The following SHISA6 variants were observed in gnomAD, a reference collection of about 807,000 sequenced individuals.
The protein encoded by SHISA6 is shisa family member 6.
SHISA6 carries 22 observed loss-of-function variants against 47.9 expected under a neutral mutation model. The ratio of observed to expected loss-of-function variants is 0.46; its 90% confidence interval spans 0.33 to 0.66. The LOEUF is 0.66. Among genes scored for constraint, SHISA6 ranks in the 30% least tolerant of loss-of-function variants. The pLI, the probability that SHISA6 is intolerant of heterozygous loss-of-function variation, is 0.02. For missense variants in SHISA6, 680 were observed against 764.6 expected (o/e 0.89, Z 1.30); for synonymous variants, 388 against 337.8 (o/e 1.15, Z -1.63).
chr17:11,337,899 G>A (rs762699015), intron 2 of SHISA6, among the ~76,000 whole-genome samples: 7 of 152,146 alleles, frequency 4.6e-5, no homozygotes, highest in Non-Finnish European at 7.4e-5. Context: ...ATTTGGCAAC[G>A]CTACTACAGA....
At position 11,241,496 on chromosome 17, in the gene SHISA6, G is replaced by T; in HGVS notation, c.74G>T (p.Gly25Val). 8.6e-7 allele frequency: 1 copy of T among 1,167,564 alleles called. No homozygotes were observed. Among genetic ancestry groups the T allele is most frequent in the South Asian group, 2.1e-5 (1 of 46,708 alleles). The allele number at this position is 1,167,564 out of a possible 1,614,324, so 72.3% of individuals were successfully genotyped here. ...CTGGACCTGCTGCCCAGCGTCCACG[G>T]AGCCCGCGGCCGCGCCGCCAACCGG... ...ESLDLLPSVH[G>V]ARGRAANRTL... is the part of the protein sequence containing the mutation. Residue 25 changes from glycine (G) to valine (V), a missense_variant, in exon 1 of 6, where the codon GGA (glycine) becomes GTA (valine). This residue lies in a region of SHISA6 where 121 missense variants were observed against 90.5 expected (regional missense o/e 1.34). Coordinates refer to ENST00000441885, the MANE Select transcript of SHISA6 (RefSeq NM_207386.4). This position sits in a 1 kb window ranked among gnomAD's most constrained non-coding sequence, Gnocchi z 5.5.
At chr17:11,439,099 C>CTGTACCTCAGTCAT (rs1915027313) in intron 3 of SHISA6, among the ~76,000 whole-genome samples, 2 of 152,172 alleles carry the variant, frequency 1.3e-5, no homozygotes, top group Admixed American at 6.5e-5. Context: ...TCTCCTACTC[C>CTGTACCTCAGTCAT]TGTACCTCAG....
In SHISA6 at chr17:11,551,930, T is replaced by C; in HGVS notation, c.930T>C (p.Ser310=). 1 of 1,551,700 alleles carries C rather than the reference T, an allele frequency of 6.4e-7. No individual in the cohort carries two copies. The highest frequency in any genetic ancestry group is 8.7e-7 in the Non-Finnish European group (1 of 1,146,994). Reference sequence around the variant, plus strand: ...AATATAACCATCCGATTTTGAGCAGTGTTACCCAGATCCCGCCACATGGTG... The same window carrying C: ...AATATAACCATCCGATTTTGAGCAGCGTTACCCAGATCCCGCCACATGGTG... The part of the protein sequence containing the change: ...DHQYNHPILS[S]VTQIPPHEKP... The change falls in exon 4 of 6, where the codon AGT becomes AGC. Residue 310 remains serine, a synonymous_variant. Transcript: ENST00000441885.
At chr17:11,304,104 G>T (rs1910022502) in intron 2 of SHISA6, among the ~76,000 whole-genome samples, 1 of 152,318 alleles carries the variant, frequency 6.6e-6, no homozygotes, top group African/African-American at 2.4e-5. Context: ...GCTTTGGGTA[G>T]TTTGCACCTT....
chr17:11,424,926 G>A (rs2142284724), intron 3 of SHISA6, among the ~76,000 whole-genome samples: 1 of 140,912 alleles, frequency 7.1e-6, no homozygotes, highest in Admixed American at 7.8e-5. Flanking sequence ...AGAATGGCAT[G>A]AACCCAGGAG....
At chr17:11,485,687 T>A (rs900893216) in intron 3 of SHISA6, among the ~76,000 whole-genome samples, 1 of 151,530 alleles carries the variant, frequency 6.6e-6, no homozygotes, top group African/African-American at 2.4e-5. Flanking sequence ...GCCCCATTCC[T>A]AAGGGAAGAC....
At chr17:11,443,519 T>A (rs1420631081) in intron 3 of SHISA6, among the ~76,000 whole-genome samples, 13 of 152,152 alleles carry the variant, frequency 8.5e-5, no homozygotes, top group Non-Finnish European at 1.9e-4. Flanking sequence ...ATTCACAGGG[T>A]TGGAGACATT....
In SHISA6 at chr17:11,496,325, A is replaced by G. The variant is rs539812453; in HGVS notation, c.896-55571A>G. Among the ~76,000 whole-genome samples, 61 of 152,356 alleles carry G rather than the reference A, an allele frequency of 4.0e-4. No homozygotes were observed. The South Asian group carries it at 0.012, about 31-fold the overall frequency. On this transcript the variant is annotated intron_variant, in intron 3 of 5. Transcript: ENST00000441885. ...GGTGAGACTTCAAAGCAAACTCTCC[A>G]AGTGCTGCCATCTTGATTAAAATTT...
intron 3 of SHISA6, among the ~76,000 whole-genome samples, chr17:11,493,310 A>G (rs934744236): frequency 6.6e-6 from 1 of 151,972 alleles, no homozygotes. Flanking sequence ...TCACTGCAGT[A>G]TCCACCACGG....
intron 1 of SHISA6, among the ~76,000 whole-genome samples, chr17:11,249,375 C>G (rs985217756): frequency 6.6e-6 from 1 of 151,986 alleles, no homozygotes; most frequent in Non-Finnish European, 1.5e-5. Flanking sequence ...GGGTTGGCCC[C>G]CTGCATAGAA....
intron 2 of SHISA6, among the ~76,000 whole-genome samples, chr17:11,363,739 A>C (rs1912360913): frequency 1.3e-5 from 2 of 152,180 alleles, no homozygotes; most frequent in Non-Finnish European, 2.9e-5. Context: ...TCTTCTCCAT[A>C]AGACACGCCC....
intron 2 of SHISA6, among the ~76,000 whole-genome samples, chr17:11,275,300 G>A (rs1301171921): frequency 6.6e-6 from 1 of 152,102 alleles, no homozygotes; most frequent in Non-Finnish European, 1.5e-5. Flanking sequence ...CTCCAAAGGG[G>A]CTTGGAGAGG....
chr17:11,523,741 C>G (rs768281170), intron 3 of SHISA6, among the ~76,000 whole-genome samples: 1 of 152,188 alleles, frequency 6.6e-6, no homozygotes, highest in African/African-American at 2.4e-5. Context: ...CGCAGTGACT[C>G]ATGCCTGTAA....
Position 11,319,838 on chromosome 17 carries a change from C to T in SHISA6, c.799+56312C>T, listed in dbSNP as rs181005689. The stretch of plus-strand genomic sequence containing the variant: ...GTTTCTGTTCTTTTCCTTATCAGTT[C>T]GGTTAAGTAAGGCAGAAAGTACATG... On this transcript the variant is annotated intron_variant, in intron 2 of 5. Coordinates refer to ENST00000441885, the MANE Select transcript of SHISA6 (RefSeq NM_207386.4). Among the ~76,000 whole-genome samples the T allele has an allele frequency of 1.3e-3, 199 of 152,278 alleles. 1 individual carries two copies. The highest frequency in any genetic ancestry group is 4.5e-3 in the African/African-American group (186 of 41,558).
intron 4 of SHISA6, among the ~76,000 whole-genome samples, chr17:11,555,103 A>G (rs1479433566): frequency 6.6e-6 from 1 of 152,082 alleles, no homozygotes; most frequent in Non-Finnish European, 1.5e-5. Flanking sequence ...CAGCTTAGAG[A>G]TGGCTAAGGG....
intron 4 of SHISA6, 77 bp from the exon 5 acceptor site, chr17:11,555,663 T>C: frequency 7.0e-7 from 1 of 1,426,536 alleles, no homozygotes; most frequent in Non-Finnish European, 9.3e-7. Flanking sequence ...GGGATTCGAA[T>C]CAGGGGTGAG....
intron 2 of SHISA6, among the ~76,000 whole-genome samples, chr17:11,284,717 T>C (rs1247502480): frequency 6.6e-6 from 1 of 152,216 alleles, no homozygotes; most frequent in African/African-American, 2.4e-5. Flanking sequence ...TTCATCCTGT[T>C]TTTTAATGAT....
At chr17:11,499,191 C>A (rs2071430793) in intron 3 of SHISA6, among the ~76,000 whole-genome samples, 2 of 152,128 alleles carry the variant, frequency 1.3e-5, no homozygotes, top group East Asian at 3.9e-4. Flanking sequence ...TCACCAGGGC[C>A]AGAATTCAGT....
Position 11,341,528 on chromosome 17 carries a change from T to A in SHISA6, c.800-37886T>A, listed in dbSNP as rs531808277. On this transcript the variant is annotated intron_variant, in intron 2 of 5. Coordinates refer to ENST00000441885, the MANE Select transcript of SHISA6 (RefSeq NM_207386.4). ...TTTTGTATTTTTATTAGACACGGGG[T>A]TTCGCCATGTTGGCCAGGCTGGTCT... 2.0e-5 allele frequency among the ~76,000 whole-genome samples: 3 copies of A among 151,956 alleles called. No individual in the cohort carries two copies. The East Asian group carries it at 5.8e-4, about 30-fold the overall frequency.
Sources: allele counts gnomAD v4.1 joint callset (sites outside exome capture counted in the v4.1 genomes callset), GRCh38; gene constraint gnomAD v4.1.1; regional missense constraint gnomAD v4.1.1; non-coding constraint Gnocchi (gnomAD v3.1); transcripts MANE v1.5; gene names NCBI Gene and HGNC (gene_info 2026-07-23, HGNC 2026-07-21).